CHD5: variants seen among roughly 807,000 people sequenced by gnomAD.
CHD5 encodes the protein ATP-dependent chromatin remodeler CHD5.
Under a neutral mutation model 230.3 loss-of-function variants are expected in CHD5, and 69 were observed. That is an observed-to-expected ratio of 0.30 (90% CI 0.25 to 0.37). The LOEUF is 0.37. CHD5 is among the 10% of genes least tolerant of loss of function. CHD5 has a pLI of 1.00. For missense variants in CHD5, 1,827 were observed against 2,622.8 expected (o/e 0.70, Z 6.63); for synonymous variants, 1,064 against 1,065.9 (o/e 1.00, Z 0.03).
intron 33 of CHD5, among the ~76,000 whole-genome samples, chr1:6,120,467 G>A (rs1342271461): frequency 2.7e-5 from 4 of 147,476 alleles, no homozygotes; most frequent in Non-Finnish European, 3.0e-5. Context: ...TCAGGAGGTC[G>A]AGACCAGCCC....
Position 6,134,658 on chromosome 1 carries a change from G to A in CHD5, c.3012+60C>T. 1 of 1,542,938 alleles carries A rather than the reference G, an allele frequency of 6.5e-7. No homozygotes were observed. The highest frequency in any genetic ancestry group is 8.7e-7 in the Non-Finnish European group (1 of 1,143,504). On this transcript the variant is annotated intron_variant, in intron 19 of 41. Transcript: ENST00000262450. The surrounding 1 kb of genome is among the most constrained non-coding windows in gnomAD (Gnocchi z 6.3). ...GCGGCCACAGGGACCTACCATGGCG[G>A]CCACAGGCACCTACCATGGCGGTCA... is the stretch of plus-strand genomic sequence containing the variant.
At chr1:6,168,828 G>A (rs1006391314) in intron 1 of CHD5, among the ~76,000 whole-genome samples, 2 of 152,078 alleles carry the variant, frequency 1.3e-5, no homozygotes, top group African/African-American at 4.8e-5. Flanking sequence ...AGACCAGCCT[G>A]GCCAACACGA....
Position 6,131,793 on chromosome 1 carries a change from G to A in CHD5, c.3145-45C>T. 1 of 1,305,318 alleles carries A rather than the reference G, an allele frequency of 7.7e-7. No individual in the cohort carries two copies. The highest frequency in any genetic ancestry group is 1.1e-6 in the Non-Finnish European group (1 of 906,330). The allele number at this position is 1,305,318 out of a possible 1,614,324, so 80.9% of individuals were successfully genotyped here. On this transcript the variant is annotated intron_variant, in intron 20 of 41. Transcript: ENST00000262450. This position sits in a 1 kb window ranked among gnomAD's most constrained non-coding sequence, Gnocchi z 5.0. ...GTGAGGAACTGCCAAGGAGCAAGGGGCCCCATGGGCCATGGGCGGGGACCC... is the reference window on the plus strand; with the variant it reads ...GTGAGGAACTGCCAAGGAGCAAGGGACCCCATGGGCCATGGGCGGGGACCC...
Position 6,179,997 on chromosome 1 carries a change from C to G in CHD5, c.27G>C (p.Glu9Asp). 7.2e-7 allele frequency: 1 copy of G among 1,387,862 alleles called. No individual in the cohort carries two copies. Among genetic ancestry groups the G allele is most frequent in the Non-Finnish European group, 9.4e-7 (1 of 1,059,014 alleles). 86.0% of individuals were successfully genotyped at this position (1,387,862 alleles called of 1,614,324 possible). ...CCTCGGCGAACAGCCGCGGCAGCTCCTCCTCGGTGCCCACTGGGCCCCGCA... is the reference window on the plus strand; with the variant it reads ...CCTCGGCGAACAGCCGCGGCAGCTCGTCCTCGGTGCCCACTGGGCCCCGCA... MRGPVGTE[E>D]ELPRLFAEEM... Residue 9 changes from glutamate to aspartate, a missense_variant, in exon 1 of 42, where the codon GAG (glutamate) becomes GAC (aspartate). Coordinates refer to ENST00000262450, the MANE Select transcript of CHD5 (RefSeq NM_015557.3).
At chr1:6,160,694 C>T (rs1030107745) in intron 2 of CHD5, among the ~76,000 whole-genome samples, 3 of 152,266 alleles carry the variant, frequency 2.0e-5, no homozygotes, top group Non-Finnish European at 4.4e-5. Flanking sequence ...CACCTTCCCC[C>T]TCTCCCACCC....
Position 6,149,423 on chromosome 1 carries a change from G to A in CHD5, c.995-11C>T. On this transcript the variant is annotated splice_polypyrimidine_tract_variant and intron_variant, in intron 7 of 41. Transcript: ENST00000262450. ...CGTCACCATCATCAACTAGGGTAGG[G>A]GAGAGGCAGTCATGGAAGTCCTCAT... 6.3e-7 allele frequency: 1 copy of A among 1,595,920 alleles called. No individual in the cohort carries two copies. The highest frequency in any genetic ancestry group is 8.6e-7 in the Non-Finnish European group (1 of 1,167,546).
rs961246098 is a variant in CHD5 at position 6,146,261 on chromosome 1, A to G, written c.1753T>C (p.Tyr585His). The change falls in exon 11 of 42, where the codon TAT (tyrosine) becomes CAT (histidine). Residue 585 changes from tyrosine (Y) to histidine (H), a missense_variant. This residue lies in a region of CHD5 where 657 missense variants were observed against 816.4 expected (regional missense o/e 0.80). Transcript: ENST00000262450. This position sits in a 1 kb window ranked among gnomAD's most constrained non-coding sequence, Gnocchi z 5.1. ...ATCATCCACTCTGGCTTGATGCCAT[A>G]GCGGTAGAAGCGCTCCTCCATCTTG... ...YAKMEERFYR[Y>H]GIKPEWMMIH... The G allele has an allele frequency of 6.2e-7, 1 of 1,614,164 alleles. No homozygotes were observed. Among genetic ancestry groups the G allele is most frequent in the Non-Finnish European group, 8.5e-7 (1 of 1,180,018 alleles).
intron 1 of CHD5, among the ~76,000 whole-genome samples, chr1:6,171,230 G>T (rs1195990420): frequency 6.6e-6 from 1 of 152,208 alleles, no homozygotes; most frequent in Non-Finnish European, 1.5e-5. Flanking sequence ...GACAAAGGGG[G>T]ACCCCTGCTC....
Position 6,121,634 on chromosome 1 carries a change from G to A in CHD5, c.4700-61C>T. Reference sequence around the variant, plus strand: ...CTCAGACGGGAAGGAGTAGGGCAGGGAGTGGGGTGGCAGAGAGGAGAGATG... The same window carrying A: ...CTCAGACGGGAAGGAGTAGGGCAGGAAGTGGGGTGGCAGAGAGGAGAGATG... On this transcript the variant is annotated intron_variant, in intron 31 of 41. Transcript: ENST00000262450. This position sits in a 1 kb window ranked among gnomAD's most constrained non-coding sequence, Gnocchi z 4.5. The A allele has an allele frequency of 7.9e-7, 1 of 1,273,768 alleles. No individual in the cohort carries two copies. The highest frequency in any genetic ancestry group is 1.1e-6 in the Non-Finnish European group (1 of 892,422). The allele number at this position is 1,273,768 out of a possible 1,614,324, so 78.9% of individuals were successfully genotyped here.
At chr1:6,174,896 G>T (rs889215798) in intron 1 of CHD5, among the ~76,000 whole-genome samples, 5 of 149,138 alleles carry the variant, frequency 3.4e-5, no homozygotes, top group South Asian at 2.1e-4. Flanking sequence ...TGGATGGATA[G>T]ATGGTGGGTG....
Position 6,151,062 on chromosome 1 carries a change from T to G in CHD5, c.964A>C (p.Lys322Gln), listed in dbSNP as rs1666999999. ...RSECSAALGK[K>Q]SKRRRKKKRI... ...TTCTTCTTGCGCCTCCTCTTGCTCTTCTTGCCCAGGGCTGCAGAGCATTCG... is the reference window on the plus strand; with the variant it reads ...TTCTTCTTGCGCCTCCTCTTGCTCTGCTTGCCCAGGGCTGCAGAGCATTCG... Residue 322 changes from lysine (K) to glutamine (Q), a missense_variant, in exon 7 of 42, where the codon AAG (lysine) becomes CAG (glutamine). Around this residue, in one of 14 missense-constraint regions of CHD5, gnomAD observed 657 missense variants for 816.4 expected, o/e 0.80. Transcript: ENST00000262450. The G allele has an allele frequency of 2.5e-6, 4 of 1,595,720 alleles. No homozygotes were observed. Among genetic ancestry groups the G allele is most frequent in the Non-Finnish European group, 2.6e-6 (3 of 1,168,892 alleles).
chr1:6,126,253 CG>C lies in CHD5; in HGVS notation c.4078+318del, dbSNP rs1217304385. Among the ~76,000 whole-genome samples the C allele has an allele frequency of 1.3e-5, 2 of 151,400 alleles. No homozygotes were observed. The highest frequency in any genetic ancestry group is 1.5e-5 in the Non-Finnish European group (1 of 67,760). On this transcript the variant is annotated intron_variant, in intron 26 of 41. Coordinates refer to ENST00000262450, the MANE Select transcript of CHD5 (RefSeq NM_015557.3). The surrounding 1 kb of genome is among the most constrained non-coding windows in gnomAD (Gnocchi z 5.7). ...CCCAGCGTTCCTGGCCCCCACCTCC[CG>C]GGGGGGTCCTGCACAGGGATGCCCC...
chr1:6,159,601 T>C, intron 2 of CHD5, 86 bp from the exon 3 acceptor site: 2 of 1,121,614 alleles, frequency 1.8e-6, no homozygotes, highest in Non-Finnish European at 1.3e-6. Flanking sequence ...GAGAGCTACC[T>C]CCTGGCCCAC....
chr1:6,158,448 A>C (rs1667112498), intron 3 of CHD5, among the ~76,000 whole-genome samples: 1 of 152,206 alleles, frequency 6.6e-6, no homozygotes, highest in East Asian at 1.9e-4. Flanking sequence ...GAATTGCTCC[A>C]AGCAAGAGGT....
intron 9 of CHD5, 23 bp downstream of exon 9, chr1:6,148,831 C>G (rs1666952193): frequency 2.1e-6 from 3 of 1,425,882 alleles, no homozygotes; most frequent in Middle Eastern, 2.5e-4. Context: ...GGGCGTCCGG[C>G]GCGGGGCGGG....
At chr1:6,143,647 C>A (rs559663502) in intron 13 of CHD5, among the ~76,000 whole-genome samples, 176 bp downstream of exon 13, 1 of 152,302 alleles carries the variant, frequency 6.6e-6, no homozygotes, top group South Asian at 2.1e-4. Context: ...ATGTCAGCTG[C>A]AGTGTTATGA....
Position 6,128,320 on chromosome 1 carries a change from G to A in CHD5, c.3731-102C>T, listed in dbSNP as rs770235740. On this transcript the variant is annotated intron_variant, in intron 24 of 41. Transcript: ENST00000262450. This position sits in a 1 kb window ranked among gnomAD's most constrained non-coding sequence, Gnocchi z 7.8. Reference sequence around the variant, plus strand: ...ACAATGGCCCTTCCCATCCCCAGCAGGGGCTGCAGCTGAGAGGCATGGTGA... The same window carrying A: ...ACAATGGCCCTTCCCATCCCCAGCAAGGGCTGCAGCTGAGAGGCATGGTGA... 44 of 1,276,378 alleles carry A rather than the reference G, an allele frequency of 3.4e-5. No homozygotes were observed. The highest frequency in any genetic ancestry group is 4.7e-5 in the Non-Finnish European group (43 of 906,976). The allele number at this position is 1,276,378 out of a possible 1,614,324, so 79.1% of individuals were successfully genotyped here.
At position 6,105,341 on chromosome 1, in the gene CHD5, C is replaced by CTTTTTTTTTT; in HGVS notation, c.*132_*133insAAAAAAAAAA. 2.1e-6 allele frequency: 1 copy of CTTTTTTTTTT among 467,838 alleles called. No homozygotes were observed. The highest frequency in any genetic ancestry group is 1.6e-5 in the South Asian group (1 of 64,144). 29.0% of individuals were successfully genotyped at this position (467,838 alleles called of 1,614,324 possible). ...CATGTGATGGCATTACTAGGTTTCC[C>CTTTTTTTTTT]TTTTTGTCCCAAGGTGGCGCTGGCT... On this transcript the variant is annotated 3_prime_UTR_variant, in exon 42 of 42. Coordinates refer to ENST00000262450, the MANE Select transcript of CHD5 (RefSeq NM_015557.3). The surrounding 1 kb of genome is among the most constrained non-coding windows in gnomAD (Gnocchi z 4.8).
chr1:6,175,664 TAAG>T (rs755458032), intron 1 of CHD5, among the ~76,000 whole-genome samples: 2 of 150,746 alleles, frequency 1.3e-5, no homozygotes, highest in Admixed American at 6.6e-5. Flanking sequence ...GAATAGTGGA[TAAG>T]AAGAACAAGA....
Sources: gnomAD v4.1 joint callset for allele counts (sites outside exome capture counted in the v4.1 genomes callset) on GRCh38, gnomAD v4.1.1 for gene constraint, gnomAD v4.1.1 regional missense constraint, Gnocchi (gnomAD v3.1) non-coding constraint, MANE v1.5 for transcripts, NCBI Gene and HGNC (gene_info 2026-07-23, HGNC 2026-07-21) for gene names.